RNF220: variants seen among roughly 807,000 people sequenced by gnomAD.
RNF220 encodes the protein E3 ubiquitin-protein ligase RNF220.
In RNF220, 7 loss-of-function variants were observed where a neutral mutation model predicts 67.1. The observed-to-expected ratio is 0.10, with a 90% CI of 0.06 to 0.20. RNF220 has a LOEUF of 0.20. RNF220 is among the 10% of genes least tolerant of loss of function. RNF220 has a pLI of 1.00. For synonymous variants in RNF220, 270 were observed against 283.2 expected, an observed-to-expected ratio of 0.95 and a Z score of 0.47; for missense variants, 565 against 740.3, an observed-to-expected ratio of 0.76 and a Z score of 2.75.
At chr1:44,594,271 C>A (rs146692210) in intron 2 of RNF220, among the ~76,000 whole-genome samples, 1 of 152,096 alleles carries the variant, frequency 6.6e-6, no homozygotes, top group African/African-American at 2.4e-5. Context: ...TGCCTCCCCC[C>A]CTCCCTCCTT....
At chr1:44,588,099 G>A (rs144608273) in intron 2 of RNF220, among the ~76,000 whole-genome samples, 111 of 152,292 alleles carry the variant, frequency 7.3e-4, no homozygotes, top group Non-Finnish European at 1.0e-3. Context: ...AATCATAAGC[G>A]GCGCTGGCAG....
chr1:44,495,268 A>G (rs189145748), intron 2 of RNF220, among the ~76,000 whole-genome samples: 1 of 152,064 alleles, frequency 6.6e-6, no homozygotes, highest in Admixed American at 6.6e-5. Context: ...AAAAAAAAGA[A>G]TAGATTTGGC....
chr1:44,483,088 G>A (rs987792955), intron 2 of RNF220, among the ~76,000 whole-genome samples: 2 of 151,786 alleles, frequency 1.3e-5, no homozygotes, highest in African/African-American at 2.4e-5. Context: ...ACACCATCGC[G>A]CCTGGCTACT....
chr1:44,405,351 G>T lies in RNF220; in HGVS notation c.-297G>T. ...GTACATGCAATCCCAGGCAGCTCGC[G>T]AACACAAACCCGGGGCCAGCCGCCT... On this transcript the variant is annotated 5_prime_UTR_variant, in exon 1 of 15. It introduces an in-frame stop codon into an upstream open reading frame of the 5' UTR. Coordinates refer to ENST00000361799, the MANE Select transcript of RNF220 (RefSeq NM_018150.4). The T allele has an allele frequency of 1.7e-6, 1 of 585,570 alleles. No homozygotes were observed. The highest frequency in any genetic ancestry group is 3.0e-6 in the Non-Finnish European group (1 of 330,446). The allele number at this position is 585,570 out of a possible 1,614,324, so 36.3% of individuals were successfully genotyped here. A position where few individuals can be genotyped will look rare whatever the true frequency, so the allele number is the denominator to read the frequency against.
At chr1:44,505,925 A>T (rs969412769) in intron 2 of RNF220, among the ~76,000 whole-genome samples, 1 of 149,710 alleles carries the variant, frequency 6.7e-6, no homozygotes, top group Non-Finnish European at 1.5e-5. Flanking sequence ...TCTCCGCCCT[A>T]CTCTGGTTGG....
intron 2 of RNF220, among the ~76,000 whole-genome samples, chr1:44,511,768 G>T (rs148217366): frequency 4.3e-4 from 66 of 152,338 alleles, no homozygotes; most frequent in Non-Finnish European, 8.2e-4. Context: ...GGAGGCTGGA[G>T]AAGTGAAACG....
chr1:44,461,340 T>A (rs1009101867), intron 2 of RNF220, among the ~76,000 whole-genome samples: 7 of 152,160 alleles, frequency 4.6e-5, no homozygotes, highest in Non-Finnish European at 8.8e-5. Context: ...GAGGCCTTAG[T>A]GATATTTTTA....
intron 2 of RNF220, among the ~76,000 whole-genome samples, chr1:44,585,966 T>C (rs961656931): frequency 6.6e-6 from 1 of 152,108 alleles, no homozygotes; most frequent in Admixed American, 6.6e-5. Context: ...AAACCTTCAC[T>C]CTCTGTTGTC....
chr1:44,530,379 A>C (rs1419200168), intron 2 of RNF220, among the ~76,000 whole-genome samples: 1 of 152,208 alleles, frequency 6.6e-6, no homozygotes, highest in Non-Finnish European at 1.5e-5. Context: ...CAAAGAGCAG[A>C]GATCTCAAGA....
intron 5 of RNF220, chr1:44,627,064 A>C (rs909570999): frequency 3.3e-5 from 4 of 120,816 alleles, no homozygotes; most frequent in East Asian, 4.7e-4. Flanking sequence ...AAAAAAAAAA[A>C]GGCTAGGCGT....
At chr1:44,432,688 T>G (rs1650519901) in intron 2 of RNF220, among the ~76,000 whole-genome samples, 1 of 152,170 alleles carries the variant, frequency 6.6e-6, no homozygotes, top group South Asian at 2.1e-4. Flanking sequence ...GTGATCTTCG[T>G]GCATTAGCCT....
intron 2 of RNF220, among the ~76,000 whole-genome samples, chr1:44,473,064 C>T (rs1400632867): frequency 6.6e-6 from 1 of 152,142 alleles, no homozygotes; most frequent in Non-Finnish European, 1.5e-5. Flanking sequence ...ACGTCCTCTG[C>T]TTTCCTGGGA....
intron 2 of RNF220, among the ~76,000 whole-genome samples, chr1:44,595,491 G>A (rs1666415355): frequency 6.6e-6 from 1 of 152,212 alleles, no homozygotes; most frequent in African/African-American, 2.4e-5. Flanking sequence ...GCACAGCAGG[G>A]TTGTGTGCAG....
chr1:44,513,559 G>A (rs573525709), intron 2 of RNF220, among the ~76,000 whole-genome samples: 3 of 152,296 alleles, frequency 2.0e-5, no homozygotes, highest in Admixed American at 1.3e-4. Context: ...CCTGTGAGGC[G>A]AGGGCCTTCC....
At chr1:44,418,079 A>G (rs576441035) in intron 2 of RNF220, among the ~76,000 whole-genome samples, 1 of 151,996 alleles carries the variant, frequency 6.6e-6, no homozygotes, top group African/African-American at 2.4e-5. Context: ...GGTTTCCTCT[A>G]CGCCGTCTGA....
rs182493475 is a variant in RNF220 at position 44,547,432 on chromosome 1, C to T, written c.626-66733C>T. On this transcript the variant is annotated intron_variant, in intron 2 of 14. Transcript: ENST00000361799. ...GTGTTCACCCTTCTTAACATCTCTT[C>T]GCCTAACCCTGCGGTCACCCTCCTG... is the stretch of plus-strand genomic sequence containing the variant. Among the ~76,000 whole-genome samples the T allele has an allele frequency of 8.5e-5, 13 of 152,300 alleles. No individual in the cohort carries two copies. The South Asian group carries it at 2.7e-3, about 32-fold the overall frequency.
chr1:44,532,943 C>A (rs1660940284), intron 2 of RNF220, among the ~76,000 whole-genome samples: 1 of 152,212 alleles, frequency 6.6e-6, no homozygotes, highest in African/African-American at 2.4e-5. Context: ...GAAGTCGGTG[C>A]AGCTGCGTTG....
chr1:44,429,799 G>T (rs547456876), intron 2 of RNF220, among the ~76,000 whole-genome samples: 1 of 152,278 alleles, frequency 6.6e-6, no homozygotes, highest in South Asian at 2.1e-4. Context: ...TCTTTGGAGG[G>T]CCTTTCAACA....
intron 2 of RNF220, among the ~76,000 whole-genome samples, chr1:44,604,733 AG>A (rs1667154888): frequency 6.6e-6 from 1 of 152,252 alleles, no homozygotes; most frequent in African/African-American, 2.4e-5. Flanking sequence ...GGCTCAATCC[AG>A]GCACCTTCTA....
Sources: allele counts gnomAD v4.1 joint callset (sites outside exome capture counted in the v4.1 genomes callset), GRCh38; gene constraint gnomAD v4.1.1; transcripts MANE v1.5; gene names NCBI Gene and HGNC (gene_info 2026-07-23, HGNC 2026-07-21).